RPS6KA1: variants seen among roughly 807,000 people sequenced by gnomAD.
The protein encoded by RPS6KA1 is ribosomal protein S6 kinase alpha-1.
Under a neutral mutation model 91.3 loss-of-function variants are expected in RPS6KA1, and 48 were observed. The ratio of observed to expected loss-of-function variants is 0.53; its 90% CI spans 0.42 to 0.67. The LOEUF (loss-of-function observed/expected upper bound fraction) is 0.67. Ranked by LOEUF, RPS6KA1 falls within the 30% of genes least tolerant of loss-of-function variation. The pLI is 0.00. For missense variants in RPS6KA1, 719 were observed against 960.5 expected, an observed-to-expected ratio of 0.75 and a Z score of 3.32; for synonymous variants, 359 against 384.7, an observed-to-expected ratio of 0.93 and a Z score of 0.78.
intron 12 of RPS6KA1, 108 bp downstream of exon 12, chr1:26,556,826 G>A: frequency 7.3e-7 from 1 of 1,378,320 alleles, no homozygotes; most frequent in Non-Finnish European, 1.0e-6. Context: ...AGACGCAGGA[G>A]CAGAGGGTCA....
chr1:26,538,646 C>T (rs572564953), intron 2 of RPS6KA1, among the ~76,000 whole-genome samples: 2 of 152,248 alleles, frequency 1.3e-5, no homozygotes, highest in South Asian at 4.1e-4. Context: ...TGTTACTGTC[C>T]CCATTTTACA....
intron 12 of RPS6KA1, 114 bp from the exon 13 acceptor site, chr1:26,556,884 C>A: frequency 8.6e-7 from 1 of 1,164,908 alleles, no homozygotes; most frequent in Non-Finnish European, 1.3e-6. Flanking sequence ...GCAAGCAATT[C>A]CGAGAGCTGG....
chr1:26,554,543 C>CA lies in RPS6KA1; in HGVS notation c.614-52dup. 6.4e-7 allele frequency: 1 copy of CA among 1,564,018 alleles called. No homozygotes were observed. On this transcript the variant is annotated intron_variant, in intron 8 of 21. Coordinates refer to ENST00000374168, the MANE Select transcript of RPS6KA1 (RefSeq NM_002953.4). This position sits in a 1 kb window ranked among gnomAD's most constrained non-coding sequence, Gnocchi z 4.6. ...CGGGGGTTGGGTGTGCAAAGGGTGG[C>CA]AGCAAGGAAGGCAGGGGTCCTAAGG...
Position 26,573,323 on chromosome 1 carries a change from C to G in RPS6KA1, c.2047C>G (p.Gln683Glu), listed in dbSNP as rs1209342166. ...GGTCACCCAGAAAGACAAGCTTCCC[C>G]AAAGCCAGCTGTCCCACCAGGACCT... ...PWVTQKDKLP[Q>E]SQLSHQDLQL... The change falls in exon 21 of 22, where the codon CAA (glutamine) becomes GAA (glutamate). Residue 683 changes from glutamine (Q) to glutamate (E), a missense_variant. Gln to Glu is a conservative substitution (Grantham distance 29). This residue lies in a region of RPS6KA1 where 249 missense variants were observed against 323.1 expected (regional missense o/e 0.77). Transcript: ENST00000374168. 2.5e-6 allele frequency: 4 copies of G among 1,614,222 alleles called. No individual in the cohort carries two copies. The highest frequency in any genetic ancestry group is 1.1e-5 in the South Asian group (1 of 91,088).
At chr1:26,556,912 C>A in intron 12 of RPS6KA1, 86 bp from the exon 13 acceptor site, 2 of 1,242,210 alleles carry the variant, frequency 1.6e-6, no homozygotes, top group Non-Finnish European at 2.4e-6. Context: ...GGCCTATGTT[C>A]CAAGCCCAGC....
rs1217072695 is a variant in RPS6KA1 at position 26,554,565 on chromosome 1, A to C, written c.614-31A>C. 1 of 1,595,052 alleles carries C rather than the reference A, an allele frequency of 6.3e-7. No individual in the cohort carries two copies. The highest frequency in any genetic ancestry group is 2.2e-5 in the East Asian group (1 of 44,448). On this transcript the variant is annotated intron_variant, in intron 8 of 21. Coordinates refer to ENST00000374168, the MANE Select transcript of RPS6KA1 (RefSeq NM_002953.4). This position sits in a 1 kb window ranked among gnomAD's most constrained non-coding sequence, Gnocchi z 4.6. ...TGGCAGCAAGGAAGGCAGGGGTCCT[A>C]AGGTGTGTCCTCCTGCCCTCCTTGC... is the stretch of plus-strand genomic sequence containing the variant.
chr1:26,533,369 T>C (rs1415784255), intron 1 of RPS6KA1, among the ~76,000 whole-genome samples: 2 of 152,114 alleles, frequency 1.3e-5, no homozygotes, highest in African/African-American at 4.8e-5. Context: ...GTGCTGGGAT[T>C]ACAGACATGA....
chr1:26,552,797 G>A (rs1015383116), intron 6 of RPS6KA1: 2 of 359,318 alleles, frequency 5.6e-6, no homozygotes, highest in Non-Finnish European at 1.1e-5. Context: ...GGCTTAAATT[G>A]TGATTTTAAT....
intron 12 of RPS6KA1, 50 bp from the exon 13 acceptor site, chr1:26,556,948 T>C: frequency 1.4e-6 from 2 of 1,415,404 alleles, no homozygotes. Flanking sequence ...GGGCTCCTGG[T>C]GGGCTGTTGA....
At chr1:26,550,060 G>T (rs2076034663) in intron 4 of RPS6KA1, among the ~76,000 whole-genome samples, 1 of 150,342 alleles carries the variant, frequency 6.7e-6, no homozygotes. Context: ...TGTATTTTTA[G>T]TAGAGACAGG....
At position 26,555,260 on chromosome 1, in the gene RPS6KA1, C is replaced by T. The variant is rs1295459491; in HGVS notation, c.827+39C>T. On this transcript the variant is annotated intron_variant, in intron 10 of 21. Transcript: ENST00000374168. The surrounding 1 kb of genome is among the most constrained non-coding windows in gnomAD (Gnocchi z 4.3). ...CTGCCCTGATAACAATGGACTCCTC[C>T]AAGCCCCAGCCCCAGTTTGGGGGTC... 3 of 1,594,880 alleles carry T rather than the reference C, an allele frequency of 1.9e-6. No homozygotes were observed. The East Asian group carries it at 6.7e-5, about 36-fold the overall frequency.
chr1:26,552,786 C>A (rs374095914), intron 6 of RPS6KA1: 13 of 345,476 alleles, frequency 3.8e-5, no homozygotes, highest in Non-Finnish European at 7.5e-5. Context: ...CCACCGTGCC[C>A]GGCTTAAATT....
In RPS6KA1 at chr1:26,536,330, G is replaced by A. The variant is rs751189913; in HGVS notation, c.64-595G>A. 1.3e-4 allele frequency among the ~76,000 whole-genome samples: 20 copies of A among 152,192 alleles called. 1 individual carries two copies. The highest frequency in any genetic ancestry group is 2.9e-4 in the Non-Finnish European group (20 of 68,028). The stretch of plus-strand genomic sequence containing the variant: ...GGCCTGTGTGTAAATAGTCCCTGCA[G>A]TGGGACAAGTGCTACAATGAAGGCT... On this transcript the variant is annotated intron_variant, in intron 1 of 21. Transcript: ENST00000374168.
At position 26,574,495 on chromosome 1, in the gene RPS6KA1, G is replaced by A. The variant is rs1161007789; in HGVS notation, c.*294G>A. 1 of 548,898 alleles carries A rather than the reference G, an allele frequency of 1.8e-6. No homozygotes were observed. The highest frequency in any genetic ancestry group is 4.7e-5 in the East Asian group (1 of 21,144). 34.0% of individuals were successfully genotyped at this position (548,898 alleles called of 1,614,324 possible). On this transcript the variant is annotated 3_prime_UTR_variant, in exon 22 of 22. Transcript: ENST00000374168. The surrounding 1 kb of genome is among the most constrained non-coding windows in gnomAD (Gnocchi z 4.3). Reference sequence around the variant, plus strand: ...TTTTACAAGATCCATTTGCCTTTCTGGGAGCAGAAACAGCCATTGCGGCCC... The same window carrying A: ...TTTTACAAGATCCATTTGCCTTTCTAGGAGCAGAAACAGCCATTGCGGCCC...
intron 2 of RPS6KA1, among the ~76,000 whole-genome samples, chr1:26,542,633 T>C (rs1226294434): frequency 2.0e-5 from 3 of 152,204 alleles, no homozygotes; most frequent in Non-Finnish European, 2.9e-5. Flanking sequence ...GGCTTGGGAC[T>C]GGCAGCCTTC....
At chr1:26,573,164 C>G in intron 20 of RPS6KA1, 60 bp from the exon 21 acceptor site, 1 of 1,569,972 alleles carries the variant, frequency 6.4e-7, no homozygotes, top group South Asian at 1.1e-5. Flanking sequence ...CTCCTGTGCC[C>G]CATCAGGGGC....
In RPS6KA1 at chr1:26,571,960, TG is replaced by T. The variant is rs763228662; in HGVS notation, c.1829+36del. 1.9e-6 allele frequency: 3 copies of T among 1,591,286 alleles called. No homozygotes were observed. Among genetic ancestry groups the T allele is most frequent in the Non-Finnish European group, 2.6e-6 (3 of 1,163,820 alleles). On this transcript the variant is annotated intron_variant, in intron 19 of 21. Coordinates refer to ENST00000374168, the MANE Select transcript of RPS6KA1 (RefSeq NM_002953.4). The surrounding 1 kb of genome is among the most constrained non-coding windows in gnomAD (Gnocchi z 5.1). ...CCTGGCCTGGACCCTTCCCCACTCCTGCAGCCCTAGCACTTGGGCTGAGTGG... is the reference window on the plus strand; with the variant it reads ...CCTGGCCTGGACCCTTCCCCACTCCTCAGCCCTAGCACTTGGGCTGAGTGG...
At chr1:26,556,548 C>T (rs560847733) in intron 11 of RPS6KA1, 106 bp from the exon 12 acceptor site, 2 of 1,213,202 alleles carry the variant, frequency 1.6e-6, no homozygotes, top group South Asian at 1.2e-5. Context: ...ATTTTCCCCT[C>T]TGCTCCAGCA....
Position 26,547,081 on chromosome 1 carries a change from G to A in RPS6KA1, c.225+98G>A, listed in dbSNP as rs1474866571. On this transcript the variant is annotated intron_variant, in intron 3 of 21. Transcript: ENST00000374168. The surrounding 1 kb of genome is among the most constrained non-coding windows in gnomAD (Gnocchi z 4.1). ...GCCCAAAGGATCAGAGGTCACCTTG[G>A]TACCCAGGGAGAGCAAAAAGGTCAG... 2.0e-6 allele frequency: 3 copies of A among 1,525,056 alleles called. No homozygotes were observed. The highest frequency in any genetic ancestry group is 2.7e-6 in the Non-Finnish European group (3 of 1,100,428). 94.5% of individuals were successfully genotyped at this position (1,525,056 alleles called of 1,614,324 possible). A position where few individuals can be genotyped will look rare whatever the true frequency, so the allele number is the denominator to read the frequency against.
Sources: allele counts gnomAD v4.1 joint callset (sites outside exome capture counted in the v4.1 genomes callset), GRCh38; gene constraint gnomAD v4.1.1; regional missense constraint gnomAD v4.1.1; non-coding constraint Gnocchi (gnomAD v3.1); transcripts MANE v1.5; gene names NCBI Gene and HGNC (gene_info 2026-07-23, HGNC 2026-07-21).